Variants in ATXN1 observed in about 807,000 individuals in gnomAD.
ATXN1 encodes ataxin-1.
ATXN1 carries 8 observed loss-of-function variants against 56.4 expected under a neutral mutation model. That is an observed-to-expected ratio of 0.14 (90% CI 0.08 to 0.26). The LOEUF (loss-of-function observed/expected upper bound fraction) is 0.26. Among genes scored for constraint, ATXN1 ranks in the 10% least tolerant of loss-of-function variants. ATXN1 has a pLI of 1.00. For synonymous variants in ATXN1, 514 were observed against 494.6 expected, an observed-to-expected ratio of 1.04 and a Z score of -0.52; for missense variants, 987 against 1,106.5, an observed-to-expected ratio of 0.89 and a Z score of 1.53.
chr6:16,732,932 T>C (rs1384181922), intron 2 of ATXN1, among the ~76,000 whole-genome samples: 1 of 152,234 alleles, frequency 6.6e-6, no homozygotes, highest in African/African-American at 2.4e-5. Flanking sequence ...ATCTACAGAA[T>C]TGTATGGCCC....
At chr6:16,353,383 A>T (rs1761612620) in intron 6 of ATXN1, among the ~76,000 whole-genome samples, 1 of 152,160 alleles carries the variant, frequency 6.6e-6, no homozygotes, top group Non-Finnish European at 1.5e-5. Context: ...CTTAACAAGC[A>T]ATTACAGGAG....
At chr6:16,727,193 G>C (rs1759869493) in intron 2 of ATXN1, among the ~76,000 whole-genome samples, 1 of 152,074 alleles carries the variant, frequency 6.6e-6, no homozygotes. Flanking sequence ...GATGATTAAA[G>C]TTCAAAATCT....
chr6:16,406,422 G>A (rs371330863), intron 6 of ATXN1, among the ~76,000 whole-genome samples: 8 of 152,122 alleles, frequency 5.3e-5, no homozygotes, highest in Admixed American at 1.3e-4. Flanking sequence ...AACGGATACC[G>A]GGCATTCATA....
At chr6:16,323,238 G>T (rs955853753) in intron 7 of ATXN1, among the ~76,000 whole-genome samples, 4 of 152,164 alleles carry the variant, frequency 2.6e-5, no homozygotes, top group African/African-American at 9.7e-5. Context: ...GGGCTGTAAG[G>T]GGCTGGGCGC....
At chr6:16,703,445 A>T (rs56384477) in intron 2 of ATXN1, among the ~76,000 whole-genome samples, 5 of 151,710 alleles carry the variant, frequency 3.3e-5, no homozygotes, top group Admixed American at 1.3e-4. Flanking sequence ...CAAACCTGCA[A>T]GTTGTGCACA....
rs538059839 is a variant in ATXN1, at chr6:16,547,959, T to C, written c.-360-25271A>G. On this transcript the variant is annotated intron_variant, in intron 4 of 7. Transcript: ENST00000436367. Reference sequence around the variant, plus strand: ...ACACAGATACCTCCTCATCCTCACCTACAGGCATGTGTTGGGTAGCGGTGG... The same window carrying C: ...ACACAGATACCTCCTCATCCTCACCCACAGGCATGTGTTGGGTAGCGGTGG... 1.6e-4 allele frequency among the ~76,000 whole-genome samples: 24 copies of C among 152,336 alleles called. No individual in the cohort carries two copies. The South Asian group carries it at 4.4e-3, about 28-fold the overall frequency.
At chr6:16,445,680 C>G (rs1201477229) in intron 6 of ATXN1, among the ~76,000 whole-genome samples, 1 of 116,370 alleles carries the variant, frequency 8.6e-6, no homozygotes, top group East Asian at 3.2e-4. Flanking sequence ...CCCCTCCCCC[C>G]ACCCCACAAC....
At chr6:16,708,226 T>C (rs1759447150) in intron 2 of ATXN1, among the ~76,000 whole-genome samples, 1 of 152,188 alleles carries the variant, frequency 6.6e-6, no homozygotes, top group Non-Finnish European at 1.5e-5. Flanking sequence ...AGGGACATCC[T>C]AGGCTGGCAA....
At chr6:16,688,371 G>GA (rs1758963132) in intron 2 of ATXN1, among the ~76,000 whole-genome samples, 1 of 152,158 alleles carries the variant, frequency 6.6e-6, no homozygotes, top group South Asian at 2.1e-4. Context: ...TGAAGTGACA[G>GA]AAAAAATGGA....
At chr6:16,754,448 T>C (rs1205551193) in intron 1 of ATXN1, among the ~76,000 whole-genome samples, 3 of 152,200 alleles carry the variant, frequency 2.0e-5, no homozygotes, top group Non-Finnish European at 4.4e-5. Context: ...TGATCTCCAA[T>C]GTGAATAATC....
At chr6:16,714,215 A>G (rs1318276623) in intron 2 of ATXN1, among the ~76,000 whole-genome samples, 1 of 135,364 alleles carries the variant, frequency 7.4e-6, no homozygotes, top group African/African-American at 3.0e-5. Context: ...ACACACACAC[A>G]CACACACACA....
intron 6 of ATXN1, among the ~76,000 whole-genome samples, chr6:16,458,610 C>T (rs563690213): frequency 6.6e-6 from 1 of 152,294 alleles, no homozygotes; most frequent in Admixed American, 6.5e-5. Context: ...AAGAGAAAGG[C>T]CGCAGCCTCA....
intron 6 of ATXN1, among the ~76,000 whole-genome samples, chr6:16,359,828 T>A (rs1488397816): frequency 3.3e-5 from 5 of 152,058 alleles, no homozygotes; most frequent in Non-Finnish European, 7.4e-5. Context: ...AGAGATCCTA[T>A]AACAGTATGT....
chr6:16,738,928 A>G (rs1191429503), intron 2 of ATXN1: 1 of 152,212 alleles, frequency 6.6e-6, no homozygotes, highest in African/African-American at 2.4e-5. Flanking sequence ...CCATTCTCCA[A>G]TACACAGCAG....
At chr6:16,546,333 C>T (rs1311344291) in intron 4 of ATXN1, among the ~76,000 whole-genome samples, 1 of 152,172 alleles carries the variant, frequency 6.6e-6, no homozygotes. Flanking sequence ...CCCTCATTTT[C>T]CTGAGGTCCT....
intron 6 of ATXN1, among the ~76,000 whole-genome samples, chr6:16,400,201 C>T (rs1175616567): frequency 1.3e-5 from 2 of 152,220 alleles, no homozygotes; most frequent in Non-Finnish European, 2.9e-5. Context: ...TTCCACTCTG[C>T]CCTCTGAATA....
At chr6:16,682,379 T>C (rs1758832962) in intron 2 of ATXN1, among the ~76,000 whole-genome samples, 1 of 151,828 alleles carries the variant, frequency 6.6e-6, no homozygotes, top group East Asian at 1.9e-4. Context: ...GTATTTTTAG[T>C]AAAGATGCAG....
chr6:16,465,768 A>C (rs1487659948), intron 6 of ATXN1, among the ~76,000 whole-genome samples: 1 of 152,096 alleles, frequency 6.6e-6, no homozygotes, highest in Non-Finnish European at 1.5e-5. Flanking sequence ...TGAAATCTGA[A>C]AGACAGAGTC....
At chr6:16,481,905 CA>C (rs1193027989) in intron 6 of ATXN1, among the ~76,000 whole-genome samples, 2 of 152,050 alleles carry the variant, frequency 1.3e-5, no homozygotes, top group Admixed American at 1.3e-4. Context: ...TGCTCACAAA[CA>C]AGTGACAAAG....
Sources: allele counts gnomAD v4.1 joint callset (sites outside exome capture counted in the v4.1 genomes callset), GRCh38; gene constraint gnomAD v4.1.1; transcripts MANE v1.5; gene names NCBI Gene and HGNC (gene_info 2026-07-23, HGNC 2026-07-21).